The following MYT1L variants were observed in gnomAD, a reference collection of about 807,000 sequenced individuals.
MYT1L encodes the protein myelin transcription factor 1 like, also known as myelin transcription factor 1-like protein.
Under a neutral mutation model 126.7 loss-of-function variants are expected in MYT1L, and 12 were observed. The ratio of observed to expected loss-of-function variants is 0.09; its 90% CI spans 0.06 to 0.15. MYT1L has a LOEUF of 0.15. Among genes scored for constraint, MYT1L ranks in the 10% least tolerant of loss-of-function variants. MYT1L has a pLI of 1.00. For missense variants in MYT1L, 979 were observed against 1,585.2 expected (o/e 0.62, Z 6.49); for synonymous variants, 541 against 604.2 (o/e 0.90, Z 1.53).
intron 1 of MYT1L, among the ~76,000 whole-genome samples, chr2:2,301,993 G>A (rs1300577780): frequency 6.6e-6 from 1 of 152,076 alleles, no homozygotes; most frequent in East Asian, 1.9e-4. Flanking sequence ...TATAAAGAAA[G>A]CATGATTCAA....
intron 3 of MYT1L, among the ~76,000 whole-genome samples, chr2:2,115,613 T>C (rs1224732476): frequency 6.6e-6 from 1 of 152,242 alleles, no homozygotes; most frequent in Non-Finnish European, 1.5e-5. Flanking sequence ...TTGTGGTGTG[T>C]CTAGCACGTG....
rs2032058951 is a variant in MYT1L at position 1,791,407 on chromosome 2, A to T, written c.*460T>A. 1.0e-5 allele frequency: 4 copies of T among 388,700 alleles called. No individual in the cohort carries two copies. Among genetic ancestry groups the T allele is most frequent in the Non-Finnish European group, 1.6e-5 (3 of 193,498 alleles). The allele number at this position is 388,700 out of a possible 1,614,324, so 24.1% of individuals were successfully genotyped here. A position where few individuals can be genotyped will look rare whatever the true frequency, so the allele number is the denominator to read the frequency against. Reference sequence around the variant, plus strand: ...CATAAAGTCCTCCAACATGAGGCAAAATGATAACGTCTAAAAAGCGGCTGC... The same window carrying T: ...CATAAAGTCCTCCAACATGAGGCAATATGATAACGTCTAAAAAGCGGCTGC... On this transcript the variant is annotated 3_prime_UTR_variant, in exon 25 of 25. Transcript: ENST00000647738. This position sits in a 1 kb window ranked among gnomAD's most constrained non-coding sequence, Gnocchi z 6.0.
chr2:2,252,739 C>T (rs968980054), intron 2 of MYT1L, among the ~76,000 whole-genome samples: 1 of 152,154 alleles, frequency 6.6e-6, no homozygotes, highest in Admixed American at 6.5e-5. Context: ...AGGCCATCGT[C>T]TTCTTCATCT....
chr2:2,247,102 A>G (rs2094549493), intron 2 of MYT1L, among the ~76,000 whole-genome samples: 1 of 152,210 alleles, frequency 6.6e-6, no homozygotes, highest in African/African-American at 2.4e-5. Context: ...GAGTGGCTGA[A>G]TGGATGGAAA....
At chr2:1,969,593 G>A (rs1004153253) in intron 8 of MYT1L, among the ~76,000 whole-genome samples, 4 of 152,316 alleles carry the variant, frequency 2.6e-5, no homozygotes, top group Middle Eastern at 3.4e-3. Context: ...AGGCGGCCCC[G>A]CCTCCCACTC....
At chr2:2,264,779 G>T (rs1409900758) in intron 2 of MYT1L, among the ~76,000 whole-genome samples, 1 of 152,100 alleles carries the variant, frequency 6.6e-6, no homozygotes, top group African/African-American at 2.4e-5. Flanking sequence ...ATGTCCAGAG[G>T]AATTCAGCAC....
chr2:2,201,697 CAAA>C (rs34259469), intron 2 of MYT1L, among the ~76,000 whole-genome samples: 15 of 130,778 alleles, frequency 1.1e-4, no homozygotes, highest in Middle Eastern at 4.6e-3. Context: ...GACTCTGCCT[CAAA>C]AAAAAAAAAA....
rs376604953 is a variant in MYT1L, at chr2:2,097,076, C to T, written c.-303-42953G>A. Among the ~76,000 whole-genome samples the T allele has an allele frequency of 3.9e-5, 6 of 152,252 alleles. No homozygotes were observed. The East Asian group carries it at 7.8e-4, about 20-fold the overall frequency. On this transcript the variant is annotated intron_variant, in intron 3 of 24. Coordinates refer to ENST00000647738, the MANE Select transcript of MYT1L (RefSeq NM_001303052.2). ...ATCTCCCTGCAACCACAGGGAGCAC[C>T]ATCTCCCCCAGCCTCCCTCCCCAGC...
intron 2 of MYT1L, among the ~76,000 whole-genome samples, chr2:2,248,724 A>C (rs1255937350): frequency 2.0e-5 from 3 of 152,168 alleles, no homozygotes; most frequent in Non-Finnish European, 4.4e-5. Flanking sequence ...CAACATTTAC[A>C]AATCAATCAG....
At chr2:2,013,477 A>G (rs537511720) in intron 4 of MYT1L, among the ~76,000 whole-genome samples, 1 of 151,936 alleles carries the variant, frequency 6.6e-6, no homozygotes, top group East Asian at 1.9e-4. Flanking sequence ...ATTAACCCAA[A>G]CTCATTGCCC....
intron 3 of MYT1L, among the ~76,000 whole-genome samples, chr2:2,152,293 T>A (rs1485978456): frequency 6.6e-6 from 1 of 152,214 alleles, no homozygotes; most frequent in Non-Finnish European, 1.5e-5. Flanking sequence ...CAGAGCAGGA[T>A]GGAGCGAGAA....
chr2:2,169,487 A>T (rs532786692), intron 3 of MYT1L, among the ~76,000 whole-genome samples: 1 of 152,238 alleles, frequency 6.6e-6, no homozygotes, highest in African/African-American at 2.4e-5. Context: ...CGAGGCAAAC[A>T]TAAGGAGGCT....
At chr2:1,854,659 A>G (rs1451179152) in intron 18 of MYT1L, among the ~76,000 whole-genome samples, 1 of 152,170 alleles carries the variant, frequency 6.6e-6, no homozygotes, top group East Asian at 1.9e-4. Flanking sequence ...CATTGGAAGG[A>G]GGCTTTTCTC....
At chr2:2,158,129 C>T (rs1026835075) in intron 3 of MYT1L, among the ~76,000 whole-genome samples, 1 of 151,990 alleles carries the variant, frequency 6.6e-6, no homozygotes, top group Non-Finnish European at 1.5e-5. Context: ...ATCACACAGC[C>T]TTGCAAGACA....
intron 3 of MYT1L, among the ~76,000 whole-genome samples, chr2:2,137,619 A>G (rs370456495): frequency 5.9e-5 from 9 of 152,260 alleles, no homozygotes; most frequent in Admixed American, 2.0e-4. Context: ...AATGGTGCTG[A>G]GAAAACTGGC....
At chr2:1,844,581 C>T (rs971456556) in intron 19 of MYT1L, among the ~76,000 whole-genome samples, 1 of 152,168 alleles carries the variant, frequency 6.6e-6, no homozygotes, top group African/African-American at 2.4e-5. Flanking sequence ...TATGTATAGG[C>T]TGTGCAGACC....
intron 22 of MYT1L, among the ~76,000 whole-genome samples, chr2:1,808,187 G>A (rs1046371683): frequency 1.2e-4 from 19 of 152,136 alleles, no homozygotes; most frequent in African/African-American, 3.9e-4. Context: ...GAGAATGCAC[G>A]AATACACCTG....
At chr2:2,316,027 A>T (rs1446955579) in intron 1 of MYT1L, among the ~76,000 whole-genome samples, 3 of 152,182 alleles carry the variant, frequency 2.0e-5, no homozygotes, top group Non-Finnish European at 4.4e-5. Flanking sequence ...TGCTGTGTTA[A>T]ATAAAACATA....
intron 1 of MYT1L, among the ~76,000 whole-genome samples, chr2:2,292,245 C>T (rs2095610759): frequency 6.6e-6 from 1 of 152,334 alleles, no homozygotes. Context: ...AGACTGAAGG[C>T]TGCCCTGCTC....
Sources: gnomAD v4.1 joint callset for allele counts (sites outside exome capture counted in the v4.1 genomes callset) on GRCh38, gnomAD v4.1.1 for gene constraint, Gnocchi (gnomAD v3.1) non-coding constraint, MANE v1.5 for transcripts, NCBI Gene and HGNC (gene_info 2026-07-23, HGNC 2026-07-21) for gene names.